Variants in ZNF652 observed in about 807,000 individuals in gnomAD.
The protein encoded by ZNF652 is zinc finger protein 652.
A neutral mutation model predicts 45.2 loss-of-function variants in ZNF652; 16 were observed. The ratio of observed to expected loss-of-function variants is 0.35; its 90% CI spans 0.24 to 0.54. The LOEUF is 0.54. Ranked by LOEUF, ZNF652 falls within the 20% of genes least tolerant of loss-of-function variation. ZNF652 has a pLI of 0.91. For missense variants in ZNF652, 614 were observed against 765.6 expected, an observed-to-expected ratio of 0.80 and a Z score of 2.34; for synonymous variants, 250 against 260.6, an observed-to-expected ratio of 0.96 and a Z score of 0.39.
At chr17:49,321,549 C>T (rs942930915) in intron 1 of ZNF652, among the ~76,000 whole-genome samples, 4 of 149,826 alleles carry the variant, frequency 2.7e-5, no homozygotes, top group East Asian at 2.0e-4. Context: ...GAATTACAGG[C>T]GTGAGCCACC....
rs773276570 is a variant in ZNF652 at position 49,298,588 on chromosome 17, T to G, written c.1646A>C (p.His549Pro). ...PPRPIPHPFS[H>P]LHIHPHPHHP... ...GTGAGGGTGTGGGTGGATGTGCAGG[T>G]GTGAGAAGGGGTGGGGGATGGGCCG... Residue 549 changes from histidine (H) to proline (P), a missense_variant, in exon 6 of 6, where the codon CAC (histidine) becomes CCC (proline). Physicochemically the swap from His to Pro is moderately conservative, Grantham distance 77. This residue lies in a region of ZNF652 where 132 missense variants were observed against 137.2 expected (regional missense o/e 0.96). Coordinates refer to ENST00000430262, the MANE Select transcript of ZNF652 (RefSeq NM_001145365.3). The G allele has an allele frequency of 1.2e-6, 2 of 1,605,106 alleles. No homozygotes were observed. Among genetic ancestry groups the G allele is most frequent in the East Asian group, 4.5e-5 (2 of 44,636 alleles).
At chr17:49,340,377 G>A (rs748892901) in intron 1 of ZNF652, among the ~76,000 whole-genome samples, 10 of 151,780 alleles carry the variant, frequency 6.6e-5, no homozygotes, top group South Asian at 2.1e-4. Context: ...CCAACATGGC[G>A]AAACCTTGTC....
chr17:49,319,246 C>A (rs192677823), intron 1 of ZNF652, among the ~76,000 whole-genome samples: 37 of 152,184 alleles, frequency 2.4e-4, no homozygotes, highest in Admixed American at 2.4e-3. Context: ...TTATTAAATG[C>A]CTGCTATGGA....
At chr17:49,331,306 A>G (rs2070022413) in intron 1 of ZNF652, among the ~76,000 whole-genome samples, 1 of 151,832 alleles carries the variant, frequency 6.6e-6, no homozygotes, top group Non-Finnish European at 1.5e-5. Flanking sequence ...TATTTTTAGT[A>G]GAGACGGGCT....
At chr17:49,316,253 T>G (rs1417498376) in intron 2 of ZNF652, among the ~76,000 whole-genome samples, 1 of 152,218 alleles carries the variant, frequency 6.6e-6, no homozygotes, top group Non-Finnish European at 1.5e-5. Flanking sequence ...GGGCAACATT[T>G]TCGACCAGCT....
Position 49,312,568 on chromosome 17 carries a change from A to G in ZNF652, c.1048+130T>C, listed in dbSNP as rs2069731202. 6 of 940,976 alleles carry G rather than the reference A, an allele frequency of 6.4e-6. No individual in the cohort carries two copies. The South Asian group carries it at 6.9e-5, about 11-fold the overall frequency. 58.3% of individuals were successfully genotyped at this position (940,976 alleles called of 1,614,324 possible). ...CAATTTGGTGATACTTACTGAAGACATAATGCATTCAGTTTCAACATGTCA... is the reference window on the plus strand; with the variant it reads ...CAATTTGGTGATACTTACTGAAGACGTAATGCATTCAGTTTCAACATGTCA... On this transcript the variant is annotated intron_variant, in intron 3 of 5. Transcript: ENST00000430262.
intron 2 of ZNF652, among the ~76,000 whole-genome samples, chr17:49,315,519 T>C (rs553563244): frequency 0.016 from 2,451 of 151,016 alleles, 58 homozygotes; most frequent in African/African-American, 0.057. Flanking sequence ...ACACAAAAAG[T>C]ATTTATTAAA....
intron 1 of ZNF652, among the ~76,000 whole-genome samples, chr17:49,323,124 A>G (rs1383025571): frequency 1.3e-5 from 2 of 152,340 alleles, no homozygotes; most frequent in African/African-American, 2.4e-5. Flanking sequence ...ATGCTGTTTG[A>G]TAACACTTTA....
chr17:49,341,005 CAGGAGTTCGAG>C (rs1677724973), intron 1 of ZNF652, among the ~76,000 whole-genome samples: 2 of 152,164 alleles, frequency 1.3e-5, no homozygotes, highest in Admixed American at 1.3e-4. Flanking sequence ...CACTTCAAGC[CAGGAGTTCGAG>C]ATCAGTCTAA....
chr17:49,317,469 G>C lies in ZNF652; in HGVS notation c.257C>G (p.Ala86Gly). ...CTTAACAGCATGCACGTCAGACACT[G>C]CTCTTGTCTCCCTGAAATATGGCTG... ...EEQPYFRETR[A>G]VSDVHAVKED... is the part of the protein sequence containing the mutation. Residue 86 changes from alanine to glycine, a missense_variant, in exon 2 of 6, where the codon GCA (alanine) becomes GGA (glycine). Transcript: ENST00000430262. The C allele has an allele frequency of 6.2e-7, 1 of 1,614,148 alleles. No individual in the cohort carries two copies.
chr17:49,303,649 T>C (rs1271285242), intron 5 of ZNF652, among the ~76,000 whole-genome samples: 2 of 152,158 alleles, frequency 1.3e-5, no homozygotes, highest in Non-Finnish European at 2.9e-5. Context: ...TCAGAGTTAG[T>C]ATTCTTCACA....
chr17:49,354,605 C>T (rs1249300452), intron 1 of ZNF652, among the ~76,000 whole-genome samples: 4 of 146,802 alleles, frequency 2.7e-5, no homozygotes, highest in Non-Finnish European at 4.5e-5. Context: ...AGCAAGACTC[C>T]GCCTCAAAAA....
chr17:49,352,695 G>C (rs2143111010), intron 1 of ZNF652, among the ~76,000 whole-genome samples: 1 of 152,234 alleles, frequency 6.6e-6, no homozygotes, highest in East Asian at 1.9e-4. Flanking sequence ...ATTTACAGTG[G>C]CTCTGTTCAT....
At position 49,295,324 on chromosome 17, in the gene ZNF652, C is replaced by T. The variant is rs1012915295; in HGVS notation, c.*3089G>A. On this transcript the variant is annotated 3_prime_UTR_variant, in exon 6 of 6. Transcript: ENST00000430262. ...CAAGTCTCAAGTCAAGGAAAGTATC[C>T]TTAATCTAGGGGAAAAAAAGGAAGT... is the stretch of plus-strand genomic sequence containing the variant. 2.6e-5 allele frequency: 4 copies of T among 151,522 alleles called. No homozygotes were observed. Among genetic ancestry groups the T allele is most frequent in the African/African-American group, 9.7e-5 (4 of 41,328 alleles). 9.4% of individuals were successfully genotyped at this position (151,522 alleles called of 1,614,324 possible). A position where few individuals can be genotyped will look rare whatever the true frequency, so the allele number is the denominator to read the frequency against.
chr17:49,309,845 T>C (rs2069685002), intron 5 of ZNF652, among the ~76,000 whole-genome samples: 1 of 152,190 alleles, frequency 6.6e-6, no homozygotes, highest in African/African-American at 2.4e-5. Context: ...GGTAGGCATT[T>C]TTCTTTGGGC....
intron 1 of ZNF652, among the ~76,000 whole-genome samples, chr17:49,333,788 A>G (rs891769730): frequency 6.6e-6 from 1 of 151,952 alleles, no homozygotes; most frequent in East Asian, 1.9e-4. Flanking sequence ...GATGCTTAAC[A>G]TTATTCAGCA....
At position 49,335,311 on chromosome 17, in the gene ZNF652, C is replaced by G. The variant is rs1410837268; in HGVS notation, c.-258-17328G>C. Among the ~76,000 whole-genome samples the G allele has an allele frequency of 2.0e-5, 3 of 152,124 alleles. No individual in the cohort carries two copies. The East Asian group carries it at 5.8e-4, about 29-fold the overall frequency. ...GAGAATCAACAGATCTGGATAGGCT[C>G]TATTTGGAACTCTTCCATACTGCTG... On this transcript the variant is annotated intron_variant, in intron 1 of 5. Coordinates refer to ENST00000430262, the MANE Select transcript of ZNF652 (RefSeq NM_001145365.3).
rs71144595 is a variant in ZNF652 at position 49,313,973 on chromosome 17, CAAAAAAAAAAAAAAAAAAAAAAAA to C, written c.901-1152_901-1129del. Among the ~76,000 whole-genome samples, 70 of 22,876 alleles carry C rather than the reference CAAAAAAAAAAAAAAAAAAAAAAAA, an allele frequency of 3.1e-3. 2 individuals are homozygous for C. The highest frequency in any genetic ancestry group is 3.5e-3 in the Non-Finnish European group (48 of 13,644). The allele number at this position is 22,876 out of a possible 152,430, so 15.0% of individuals were successfully genotyped here. A position where few individuals can be genotyped will look rare whatever the true frequency, so the allele number is the denominator to read the frequency against. Reference sequence around the variant, plus strand: ...GGCAACAAAGAGCGAAACTCCATCTCAAAAAAAAAAAAAAAAAAAAAAAAAAAAAAAAAAAAAAAAGAAAAGAAA... The same window carrying C: ...GGCAACAAAGAGCGAAACTCCATCTCAAAAAAAAAAAAAAAAGAAAAGAAA... On this transcript the variant is annotated intron_variant, in intron 2 of 5. Coordinates refer to ENST00000430262, the MANE Select transcript of ZNF652 (RefSeq NM_001145365.3).
At chr17:49,361,561 G>A (rs940020932) in intron 1 of ZNF652, among the ~76,000 whole-genome samples, 6 of 152,224 alleles carry the variant, frequency 3.9e-5, no homozygotes, top group African/African-American at 7.2e-5. Flanking sequence ...CAGGAGGACC[G>A]GTGCAAACCT....
Sources: allele counts gnomAD v4.1 joint callset (sites outside exome capture counted in the v4.1 genomes callset), GRCh38; gene constraint gnomAD v4.1.1; regional missense constraint gnomAD v4.1.1; transcripts MANE v1.5; gene names NCBI Gene and HGNC (gene_info 2026-07-23, HGNC 2026-07-21).